The following ZNF611 variants were observed in gnomAD, a reference collection of about 807,000 sequenced individuals.
ZNF611 encodes zinc finger protein 611.
A neutral mutation model predicts 8.9 loss-of-function variants in ZNF611; 6 were observed. The ratio of observed to expected loss-of-function variants is 0.68; its 90% CI spans 0.37 to 1.34. ZNF611 has a LOEUF of 1.34. Ranked by LOEUF, ZNF611 falls within the 40% of genes most tolerant of loss-of-function variation. The pLI, the probability that ZNF611 is intolerant of heterozygous loss-of-function variation, is 0.02. For missense variants in ZNF611, 874 were observed against 841.3 expected, an observed-to-expected ratio of 1.04 and a Z score of -0.48; for synonymous variants, 262 against 279.7, an observed-to-expected ratio of 0.94 and a Z score of 0.63.
In ZNF611 at chr19:52,706,806, T is replaced by C; in HGVS notation, c.249A>G (p.Glu83=). 1.9e-6 allele frequency: 3 copies of C among 1,613,324 alleles called. No individual in the cohort carries two copies. Among genetic ancestry groups the C allele is most frequent in the South Asian group, 2.2e-5 (2 of 90,868 alleles). The change falls in exon 6 of 6, where the codon GAA becomes GAG. Residue 83 remains glutamate (E), a synonymous_variant. Coordinates refer to ENST00000652185, the MANE Select transcript of ZNF611 (RefSeq NM_001161499.2). ...EVLSTGQGNT[E]VIHTGTLQRH... ...TTTGCAATGTCCCTGTGTGGATCAC[T>C]TCTGTATTGCCTTGCCCTGTTGACA...
chr19:52,721,445 A>G (rs148361971), intron 3 of ZNF611, among the ~76,000 whole-genome samples: 5,735 of 152,262 alleles, frequency 0.038, 343 homozygotes, highest in African/African-American at 0.13. Flanking sequence ...TCGGGAGGCC[A>G]AGGCGGGCAA....
At chr19:52,712,996 T>G (rs995166956) in intron 5 of ZNF611, among the ~76,000 whole-genome samples, 42 of 152,188 alleles carry the variant, frequency 2.8e-4, no homozygotes, top group Non-Finnish European at 5.7e-4. Context: ...GCTATCAAAA[T>G]CAGCCTGGCC....
At position 52,705,239 on chromosome 19, in the gene ZNF611, T is replaced by C. The variant is rs1277116475; in HGVS notation, c.1816A>G (p.Arg606Gly). 2 of 1,613,960 alleles carry C rather than the reference T, an allele frequency of 1.2e-6. No homozygotes were observed. The highest frequency in any genetic ancestry group is 3.3e-5 in the Admixed American group (2 of 59,996). Reference protein sequence around the residue: ...CNECSKTFSRRSSLHCHRRLH... With the variant: ...CNECSKTFSRGSSLHCHRRLH... The stretch of plus-strand genomic sequence containing the variant: ...CTACGATGGCAATGAAGGGATGACC[T>C]GCGACTGAAGGTCTTGCTGCACTCA... The change falls in exon 6 of 6, where the codon AGG becomes GGG. Residue 606 changes from arginine (R) to glycine (G), a missense_variant. By Grantham distance (125) the Arg-to-Gly change is moderately radical. Transcript: ENST00000652185.
Position 52,706,735 on chromosome 19 carries a change from T to C in ZNF611, c.320A>G (p.Glu107Gly), listed in dbSNP as rs1186300166. 1 of 1,614,210 alleles carries C rather than the reference T, an allele frequency of 6.2e-7. No individual in the cohort carries two copies. The highest frequency in any genetic ancestry group is 8.5e-7 in the Non-Finnish European group (1 of 1,180,030). Residue 107 changes from glutamate (E) to glycine (G), a missense_variant, in exon 6 of 6, where the codon GAG becomes GGG. Transcript: ENST00000652185. ...AAACTCAATGTCATGAATTTCTTTC[T>C]CAATTTCCTGGAAGCAAAAATCTCC... ...HIGDFCFQEIEKEIHDIEFQC... is the reference protein window; with the variant it reads ...HIGDFCFQEIGKEIHDIEFQC...
chr19:52,716,771 G>C (rs1449792115), intron 3 of ZNF611, among the ~76,000 whole-genome samples: 1 of 152,108 alleles, frequency 6.6e-6, no homozygotes, highest in East Asian at 1.9e-4. Flanking sequence ...AAACTCAAAA[G>C]AAGGACCCAG....
intron 4 of ZNF611, 138 bp from the exon 5 acceptor site, chr19:52,714,279 A>C (rs1303475101): frequency 4.3e-5 from 63 of 1,475,616 alleles, no homozygotes; most frequent in South Asian, 8.6e-5. Context: ...GTATTTTTGA[A>C]TATTTTTTCC....
intron 4 of ZNF611, 79 bp from the exon 5 acceptor site, chr19:52,714,220 A>G: frequency 6.4e-7 from 1 of 1,574,750 alleles, no homozygotes; most frequent in South Asian, 1.2e-5. Context: ...AAATGAGAAA[A>G]TAAGTATTTA....
chr19:52,719,894 T>C (rs2062343041), intron 3 of ZNF611, among the ~76,000 whole-genome samples: 1 of 152,250 alleles, frequency 6.6e-6, no homozygotes, highest in African/African-American at 2.4e-5. Flanking sequence ...TCTCTGGTTT[T>C]CCTAGGCAGA....
Position 52,706,630 on chromosome 19 carries a change from T to C in ZNF611, c.425A>G (p.His142Arg). The C allele has an allele frequency of 6.2e-7, 1 of 1,614,144 alleles. No individual in the cohort carries two copies. ...IKKLTGSTDQ[H>R]DHRHAGNKPI... is the part of the protein sequence containing the mutation. ...CTTGTTTCCAGCATGCCTGTGATCATGTTGGTCTGTGCTACCAGTCAACTT... is the reference window on the plus strand; with the variant it reads ...CTTGTTTCCAGCATGCCTGTGATCACGTTGGTCTGTGCTACCAGTCAACTT... Residue 142 changes from histidine to arginine, a missense_variant, in exon 6 of 6, where the codon CAT (histidine) becomes CGT (arginine). Physicochemically the swap from His to Arg is conservative, Grantham distance 29. Transcript: ENST00000652185.
rs1388382324 is a variant in ZNF611, at chr19:52,706,195, T to A, written c.860A>T (p.Tyr287Phe). ...HDRCHTVEKP[Y>F]KCKECGKTFS... ...GGTCTTGCCACACTCTTTACACTTG[T>A]AAGGTTTCTCAACAGTGTGACATCT... Residue 287 changes from tyrosine (Y) to phenylalanine (F), a missense_variant, in exon 6 of 6, where the codon TAC becomes TTC. Physicochemically the swap from Tyr to Phe is conservative, Grantham distance 22. Transcript: ENST00000652185. 6 of 1,614,186 alleles carry A rather than the reference T, an allele frequency of 3.7e-6. No individual in the cohort carries two copies. Among genetic ancestry groups the A allele is most frequent in the Non-Finnish European group, 3.4e-6 (4 of 1,180,006 alleles).
Position 52,705,572 on chromosome 19 carries a change from A to C in ZNF611, c.1483T>G (p.Ser495Ala). 3 of 1,613,942 alleles carry C rather than the reference A, an allele frequency of 1.9e-6. No individual in the cohort carries two copies. Among genetic ancestry groups the C allele is most frequent in the Non-Finnish European group, 2.5e-6 (3 of 1,180,010 alleles). ...ATTGACTTATGAATTAAAAGATCTG[A>C]ATTTTGACCAAAGGTCTTCCCACAT... is the stretch of plus-strand genomic sequence containing the variant. ...NECGKTFGQNSDLLIHKSIHT... is the reference protein window; with the variant it reads ...NECGKTFGQNADLLIHKSIHT... Residue 495 changes from serine (S) to alanine (A), a missense_variant, in exon 6 of 6, where the codon TCA (serine) becomes GCA (alanine). Ser to Ala is a moderately conservative substitution (Grantham distance 99). Coordinates refer to ENST00000652185, the MANE Select transcript of ZNF611 (RefSeq NM_001161499.2).
In ZNF611 at chr19:52,705,254, T is replaced by C. The variant is rs778698659; in HGVS notation, c.1801A>G (p.Lys601Glu). 1 of 1,614,002 alleles carries C rather than the reference T, an allele frequency of 6.2e-7. No homozygotes were observed. The highest frequency in any genetic ancestry group is 1.3e-5 in the African/African-American group (1 of 74,928). ...AGGGATGACCTGCGACTGAAGGTCT[T>C]GCTGCACTCATTACACTTGTAAGGT... Reference protein sequence around the residue: ...EKPYKCNECSKTFSRRSSLHC... With the variant: ...EKPYKCNECSETFSRRSSLHC... The change falls in exon 6 of 6, where the codon AAG becomes GAG. Residue 601 changes from lysine to glutamate, a missense_variant. Transcript: ENST00000652185.
At position 52,713,648 on chromosome 19, in the gene ZNF611, T is replaced by C. The variant is rs150042003; in HGVS notation, c.190+367A>G. On this transcript the variant is annotated intron_variant, in intron 5 of 5. Coordinates refer to ENST00000652185, the MANE Select transcript of ZNF611 (RefSeq NM_001161499.2). ...GGCTCACGCCTGTAATCCCAGCACT[T>C]TGGGAGGCCGAGGTGGGTGGATCAC... is the stretch of plus-strand genomic sequence containing the variant. Among the ~76,000 whole-genome samples, 401 of 152,202 alleles carry C rather than the reference T, an allele frequency of 2.6e-3. 2 individuals carry two copies. The highest frequency in any genetic ancestry group is 8.8e-3 in the African/African-American group (367 of 41,516).
chr19:52,703,899 CT>C lies in ZNF611; in HGVS notation c.*1037del. On this transcript the variant is annotated 3_prime_UTR_variant, in exon 6 of 6. Transcript: ENST00000652185. ...AGCCTCCGTGCCTGGCCTCATATCCCTTTTAAAAATTACTATGATATATCCC... is the reference window on the plus strand; with the variant it reads ...AGCCTCCGTGCCTGGCCTCATATCCCTTTAAAAATTACTATGATATATCCC... 1 of 156,730 alleles carries C rather than the reference CT, an allele frequency of 6.4e-6. No homozygotes were observed. The allele number at this position is 156,730 out of a possible 1,614,324, so 9.7% of individuals were successfully genotyped here.
Position 52,706,288 on chromosome 19 carries a change from T to A in ZNF611, c.767A>T (p.Asp256Val). The A allele has an allele frequency of 6.2e-7, 1 of 1,614,142 alleles. No homozygotes were observed. The highest frequency in any genetic ancestry group is 8.5e-7 in the Non-Finnish European group (1 of 1,180,022). The change falls in exon 6 of 6, where the codon GAC becomes GTC. Residue 256 changes from aspartate (D) to valine (V), a missense_variant. Coordinates refer to ENST00000652185, the MANE Select transcript of ZNF611 (RefSeq NM_001161499.2). ...LRKHQIPHLG[D>V]KQYKCDVCGK... ...ACATACATCACATTTATATTGTTTG[T>A]CTCCTAAATGGGGTATCTGGTGTTT...
At position 52,706,952 on chromosome 19, in the gene ZNF611, C is replaced by T. The variant is rs982107081; in HGVS notation, c.191-88G>A. On this transcript the variant is annotated intron_variant, in intron 5 of 5. Transcript: ENST00000652185. ...CATAAATATGACACAAAAAACGATACTTATTTTGAACTTCCCAAACATCAT... is the reference window on the plus strand; with the variant it reads ...CATAAATATGACACAAAAAACGATATTTATTTTGAACTTCCCAAACATCAT... 7.9e-6 allele frequency: 12 copies of T among 1,516,280 alleles called. No homozygotes were observed. The African/African-American group carries it at 1.5e-4, about 19-fold the overall frequency. 93.9% of individuals were successfully genotyped at this position (1,516,280 alleles called of 1,614,324 possible).
chr19:52,713,666 T>C (rs2062295102), intron 5 of ZNF611, among the ~76,000 whole-genome samples: 2 of 151,986 alleles, frequency 1.3e-5, no homozygotes, highest in Non-Finnish European at 1.5e-5. Context: ...CCGAGGTGGG[T>C]GGATCACCTG....
chr19:52,713,698 C>T (rs921496088), intron 5 of ZNF611, among the ~76,000 whole-genome samples: 5 of 152,014 alleles, frequency 3.3e-5, no homozygotes, highest in Admixed American at 3.3e-4. Context: ...TAGAGACGAG[C>T]CTGACCAACA....
In ZNF611 at chr19:52,706,860, G is replaced by A. The variant is rs1241820069; in HGVS notation, c.195C>T (p.Ile65=). 1.2e-6 allele frequency: 2 copies of A among 1,608,050 alleles called. No individual in the cohort carries two copies. The highest frequency in any genetic ancestry group is 1.7e-5 in the Admixed American group (1 of 58,682). Residue 65 remains isoleucine, a synonymous_variant, in exon 6 of 6, where the codon ATC becomes ATT. Coordinates refer to ENST00000652185, the MANE Select transcript of ZNF611 (RefSeq NM_001161499.2). ...CCTCCTTCATCATGCATTTGGAAGAGATATCTACAAAATATAAACACCAAT... is the reference window on the plus strand; with the variant it reads ...CCTCCTTCATCATGCATTTGGAAGAAATATCTACAAAATATAAACACCAAT... ...ENYRNLEAVD[I]SSKCMMKEVL...
Sources: gnomAD v4.1 joint callset for allele counts (sites outside exome capture counted in the v4.1 genomes callset) on GRCh38, gnomAD v4.1.1 for gene constraint, MANE v1.5 for transcripts, NCBI Gene and HGNC (gene_info 2026-07-23, HGNC 2026-07-21) for gene names.